ANXA4: variants seen among roughly 807,000 people sequenced by gnomAD.
ANXA4 encodes the protein 35-beta calcimedin.
ANXA4 carries 39 observed loss-of-function variants against 49.8 expected under a neutral mutation model. That is an observed-to-expected ratio of 0.78 (90% CI 0.61 to 1.02). The LOEUF is 1.02. ANXA4 is among the 50% of genes least tolerant of loss of function. ANXA4 has a pLI of 0.00. For synonymous variants in ANXA4, 134 were observed against 152.5 expected (o/e 0.88, Z 0.89); for missense variants, 360 against 410.1 (o/e 0.88, Z 1.05).
intron 3 of ANXA4, among the ~76,000 whole-genome samples, chr2:69,791,424 G>A (rs1672686744): frequency 6.6e-6 from 1 of 152,194 alleles, no homozygotes; most frequent in Non-Finnish European, 1.5e-5. Context: ...CAACTATATT[G>A]TTGTAATTTA....
intron 1 of ANXA4, among the ~76,000 whole-genome samples, chr2:69,651,447 A>T (rs1475955279): frequency 6.6e-6 from 1 of 152,096 alleles, no homozygotes; most frequent in African/African-American, 2.4e-5. Flanking sequence ...CTTCCTTTTT[A>T]CCTCAATCTG....
intron 1 of ANXA4, among the ~76,000 whole-genome samples, chr2:69,774,326 AGCCC>A (rs141804383): frequency 0.065 from 5,264 of 81,498 alleles, 468 homozygotes; most frequent in Admixed American, 0.24. Context: ...ATGTAAAAGG[AGCCC>A]CCCCCCCCCC....
chr2:69,677,627 G>A (rs1430948898), intron 2 of ANXA4, among the ~76,000 whole-genome samples: 3 of 152,190 alleles, frequency 2.0e-5, no homozygotes. Context: ...TATTGTAGGA[G>A]CTCAGAACAC....
At chr2:69,746,614 A>G (rs1356449041) in intron 1 of ANXA4, among the ~76,000 whole-genome samples, 1 of 152,164 alleles carries the variant, frequency 6.6e-6, no homozygotes, top group African/African-American at 2.4e-5. Context: ...GGGAACCTGA[A>G]CCACCACCTT....
At chr2:69,818,275 A>T (rs1416161880) in intron 9 of ANXA4, 1 of 172,808 alleles carries the variant, frequency 5.8e-6, no homozygotes, top group Non-Finnish European at 1.2e-5. Context: ...ACACAAAAAG[A>T]CACATTCTGC....
chr2:69,779,893 T>C (rs985202988), intron 1 of ANXA4, among the ~76,000 whole-genome samples: 7 of 152,204 alleles, frequency 4.6e-5, no homozygotes, highest in African/African-American at 1.7e-4. Flanking sequence ...TCAGGGTGTG[T>C]CCCAGGACTA....
In ANXA4 at chr2:69,746,152, C is replaced by T. The variant is rs374007364; in HGVS notation, c.-47+3977C>T. ...TCAGCCTCCCAAGTAGCTGGGATTA[C>T]AGGCACACGCCACCATGCCAGGCTA... On this transcript the variant is annotated intron_variant, in intron 1 of 12. Transcript: ENST00000394295. Among the ~76,000 whole-genome samples, 10 of 152,258 alleles carry T rather than the reference C, an allele frequency of 6.6e-5. No individual in the cohort carries two copies. In the East Asian group the frequency reaches 1.5e-3, roughly 24 times the overall value.
intron 2 of ANXA4, among the ~76,000 whole-genome samples, chr2:69,720,459 C>T (rs541455047): frequency 6.6e-6 from 1 of 152,198 alleles, no homozygotes; most frequent in East Asian, 1.9e-4. Context: ...TGGGGAGGAG[C>T]AGAGGCAGTG....
At chr2:69,651,815 T>G in intron 1 of ANXA4, among the ~76,000 whole-genome samples, 1 of 39,822 alleles carries the variant, frequency 2.5e-5, no homozygotes, top group African/African-American at 1.1e-4. Context: ...TTTTTTTTTT[T>G]TTGGGGGGGG....
chr2:69,714,571 G>A (rs1430015597), intron 2 of ANXA4, among the ~76,000 whole-genome samples: 1 of 152,160 alleles, frequency 6.6e-6, no homozygotes, highest in Non-Finnish European at 1.5e-5. Flanking sequence ...TATTTCCTGG[G>A]ATCCTGGCCG....
At chr2:69,708,493 G>T (rs1257524054) in intron 2 of ANXA4, among the ~76,000 whole-genome samples, 1 of 152,080 alleles carries the variant, frequency 6.6e-6, no homozygotes. Context: ...TACTCGGGAG[G>T]CTGAGGTGGG....
intron 1 of ANXA4, among the ~76,000 whole-genome samples, chr2:69,751,418 G>T (rs1328375182): frequency 1.3e-5 from 2 of 149,214 alleles, no homozygotes; most frequent in Non-Finnish European, 3.0e-5. Flanking sequence ...TGAGGTGGGA[G>T]AATCGCTTGG....
intron 1 of ANXA4, among the ~76,000 whole-genome samples, chr2:69,748,476 T>G (rs1670710506): frequency 6.6e-6 from 1 of 150,798 alleles, no homozygotes. Context: ...TTTCATTAAT[T>G]TTACATTATA....
intron 1 of ANXA4, among the ~76,000 whole-genome samples, chr2:69,745,461 C>A (rs1670572292): frequency 6.6e-6 from 1 of 152,202 alleles, no homozygotes; most frequent in South Asian, 2.1e-4. Flanking sequence ...TATGCAGATT[C>A]TGCTTATTTA....
chr2:69,768,464 A>T (rs759707563), intron 1 of ANXA4, among the ~76,000 whole-genome samples: 12 of 152,140 alleles, frequency 7.9e-5, no homozygotes, highest in Non-Finnish European at 1.6e-4. Flanking sequence ...AAGTTCAACC[A>T]CGTCATCTCT....
In ANXA4 at chr2:69,756,175, T is replaced by C. The variant is rs2105507661; in HGVS notation, c.-47+14000T>C. Among the ~76,000 whole-genome samples, 2 of 152,362 alleles carry C rather than the reference T, an allele frequency of 1.3e-5. 1 individual carries two copies. Among genetic ancestry groups the C allele is most frequent in the South Asian group, 4.1e-4 (2 of 4,824 alleles). On this transcript the variant is annotated intron_variant, in intron 1 of 12. Transcript: ENST00000394295. ...CCTGGCCTTACCTTGTGGGTTAGGG[T>C]TGGTGTAAGTTTGTAGGAATAAAAC... is the stretch of plus-strand genomic sequence containing the variant.
intron 1 of ANXA4, among the ~76,000 whole-genome samples, chr2:69,652,131 G>A (rs371849711): frequency 6.6e-6 from 1 of 151,772 alleles, no homozygotes; most frequent in African/African-American, 2.4e-5. Flanking sequence ...TCCTGCCTCA[G>A]CCTCCCAAGA....
chr2:69,769,270 T>C (rs199907861), intron 1 of ANXA4, among the ~76,000 whole-genome samples: 3 of 94,166 alleles, frequency 3.2e-5, no homozygotes, highest in Non-Finnish European at 7.2e-5. Context: ...CCAGCAATCA[T>C]TGAGGCCACT....
intron 3 of ANXA4, among the ~76,000 whole-genome samples, chr2:69,733,170 T>C (rs1670149762): frequency 6.6e-6 from 1 of 152,252 alleles, no homozygotes; most frequent in Non-Finnish European, 1.5e-5. Flanking sequence ...GCAAAATGTT[T>C]ATTTACTTAA....
Sources: allele counts gnomAD v4.1 joint callset (sites outside exome capture counted in the v4.1 genomes callset), GRCh38; gene constraint gnomAD v4.1.1; transcripts MANE v1.5; gene names NCBI Gene and HGNC (gene_info 2026-07-23, HGNC 2026-07-21).